The following DPYD variants were observed in gnomAD, a reference collection of about 807,000 sequenced individuals.
DPYD encodes the protein dihydropyrimidine dehydrogenase, also known as dihydropyrimidine dehydrogenase [NADP(+)].
A neutral mutation model predicts 116.2 loss-of-function variants in DPYD; 109 were observed. That is an observed-to-expected ratio of 0.94 (90% CI 0.80 to 1.10). The LOEUF is 1.10. DPYD is among the 50% of genes least tolerant of loss of function. DPYD has a pLI of 0.00. For missense variants in DPYD, 1,302 were observed against 1,254.5 expected (o/e 1.04, Z -0.57); for synonymous variants, 440 against 432.0 (o/e 1.02, Z -0.23).
At chr1:97,088,830 A>T (rs548841610) in intron 21 of DPYD, among the ~76,000 whole-genome samples, 1 of 152,258 alleles carries the variant, frequency 6.6e-6, no homozygotes, top group South Asian at 2.1e-4. Flanking sequence ...CAGTTTTTAA[A>T]GTTCAGTTTG....
intron 4 of DPYD, among the ~76,000 whole-genome samples, chr1:97,738,796 C>T (rs182400070): frequency 2.6e-4 from 39 of 151,720 alleles, no homozygotes; most frequent in Non-Finnish European, 4.7e-4. Context: ...CTAAGCACAA[C>T]GTTCCATTAG....
At chr1:97,112,638 A>G (rs940954763) in intron 20 of DPYD, among the ~76,000 whole-genome samples, 1 of 152,128 alleles carries the variant, frequency 6.6e-6, no homozygotes, top group African/African-American at 2.4e-5. Context: ...CCTGTAGTAC[A>G]GTATATGCTT....
At chr1:97,762,693 G>A (rs1422566700) in intron 3 of DPYD, among the ~76,000 whole-genome samples, 1 of 151,982 alleles carries the variant, frequency 6.6e-6, no homozygotes, top group African/African-American at 2.4e-5. Context: ...GAGAACTTCA[G>A]TATTTCTTGA....
At chr1:97,487,182 A>C (rs1321859872) in intron 13 of DPYD, among the ~76,000 whole-genome samples, 1 of 152,172 alleles carries the variant, frequency 6.6e-6, no homozygotes, top group Non-Finnish European at 1.5e-5. Context: ...GTATATCCAC[A>C]CAATGGAGAA....
chr1:97,684,305 C>T (rs1410447664), intron 7 of DPYD, among the ~76,000 whole-genome samples: 3 of 152,098 alleles, frequency 2.0e-5, no homozygotes, highest in African/African-American at 7.2e-5. Context: ...AGGAGTCATA[C>T]AGGAGCAAGT....
chr1:97,399,811 T>C (rs1221826115), intron 14 of DPYD, among the ~76,000 whole-genome samples: 1 of 152,194 alleles, frequency 6.6e-6, no homozygotes, highest in Non-Finnish European at 1.5e-5. Flanking sequence ...ATCCTGAGAC[T>C]TTGTTGAAGT....
chr1:97,423,661 C>G (rs996441511), intron 14 of DPYD, among the ~76,000 whole-genome samples: 2 of 152,040 alleles, frequency 1.3e-5, no homozygotes, highest in African/African-American at 4.8e-5. Flanking sequence ...GTGACAGGAC[C>G]AGTTTGCTCT....
chr1:97,501,284 T>C (rs1403516992), intron 13 of DPYD, among the ~76,000 whole-genome samples: 1 of 152,118 alleles, frequency 6.6e-6, no homozygotes, highest in Non-Finnish European at 1.5e-5. Context: ...CTTCTTAATA[T>C]GTTCTATTTC....
At chr1:97,607,350 A>G (rs145702260) in intron 8 of DPYD, among the ~76,000 whole-genome samples, 1,672 of 151,870 alleles carry the variant, frequency 0.011, 14 homozygotes, top group Non-Finnish European at 0.017. Context: ...TTTTTTTATT[A>G]CATGTCCTTC....
At chr1:97,594,970 C>A (rs1654776617) in intron 9 of DPYD, 89 bp downstream of exon 9, 29 of 946,402 alleles carry the variant, frequency 3.1e-5, no homozygotes, top group Non-Finnish European at 3.8e-5. Flanking sequence ...GAGAGCTGAA[C>A]AATGTGCTGC....
intron 1 of DPYD, among the ~76,000 whole-genome samples, chr1:97,911,593 A>G (rs75570956): frequency 0.075 from 11,396 of 152,176 alleles, 573 homozygotes; most frequent in South Asian, 0.11. Context: ...GAAGAAAAAA[A>G]AAAGAAAATG....
At chr1:97,576,685 A>T (rs1204458920) in intron 10 of DPYD, among the ~76,000 whole-genome samples, 2 of 152,228 alleles carry the variant, frequency 1.3e-5, no homozygotes, top group African/African-American at 4.8e-5. Context: ...AAACATAAAA[A>T]AACTGGCTTT....
At chr1:97,255,402 G>C (rs1042036750) in intron 18 of DPYD, among the ~76,000 whole-genome samples, 7 of 152,126 alleles carry the variant, frequency 4.6e-5, no homozygotes, top group African/African-American at 1.7e-4. Context: ...GGACCCAGTG[G>C]GAGGTAATTA....
chr1:97,853,913 A>G (rs1283617416), intron 2 of DPYD, among the ~76,000 whole-genome samples: 1 of 152,214 alleles, frequency 6.6e-6, no homozygotes, highest in East Asian at 1.9e-4. Context: ...TGCAAAAAAT[A>G]CTTATGGCCA....
intron 14 of DPYD, among the ~76,000 whole-genome samples, chr1:97,436,599 C>T (rs1472016096): frequency 1.3e-5 from 2 of 152,040 alleles, no homozygotes; most frequent in African/African-American, 4.8e-5. Flanking sequence ...TATGTTGTAG[C>T]CAGTAATGCT....
At chr1:97,459,904 A>C (rs1676922484) in intron 13 of DPYD, among the ~76,000 whole-genome samples, 1 of 152,224 alleles carries the variant, frequency 6.6e-6, no homozygotes, top group Admixed American at 6.5e-5. Context: ...TTAGAAATAC[A>C]TTATGTGAAA....
rs532845579 is a variant in DPYD at position 97,286,191 on chromosome 1, C to T, written c.2299+19068G>A. ...CCTTCACTTATGAAGCTTAGTTTGGCTGGATATGAAATTCTGGGTTGAAAA... is the reference window on the plus strand; with the variant it reads ...CCTTCACTTATGAAGCTTAGTTTGGTTGGATATGAAATTCTGGGTTGAAAA... On this transcript the variant is annotated intron_variant, in intron 18 of 22. Transcript: ENST00000370192. 1.9e-3 allele frequency among the ~76,000 whole-genome samples: 296 copies of T among 152,150 alleles called. 1 individual carries two copies. The highest frequency in any genetic ancestry group is 3.4e-3 in the Non-Finnish European group (234 of 67,998).
intron 4 of DPYD, among the ~76,000 whole-genome samples, chr1:97,726,140 T>C (rs916524600): frequency 3.3e-5 from 5 of 151,584 alleles, no homozygotes; most frequent in African/African-American, 1.2e-4. Context: ...GGAATCATTT[T>C]TCTTCTGAAT....
At chr1:97,244,665 A>C (rs1662592953) in intron 18 of DPYD, among the ~76,000 whole-genome samples, 1 of 152,088 alleles carries the variant, frequency 6.6e-6, no homozygotes. Flanking sequence ...AACTATAATC[A>C]TATATATCTA....
Sources: allele counts gnomAD v4.1 joint callset (sites outside exome capture counted in the v4.1 genomes callset), GRCh38; gene constraint gnomAD v4.1.1; transcripts MANE v1.5; gene names NCBI Gene and HGNC (gene_info 2026-07-23, HGNC 2026-07-21).